BTG4: variants seen among roughly 807,000 people sequenced by gnomAD.
The protein encoded by BTG4 is BTG anti-proliferation factor 4, also known as protein BTG4.
BTG4 carries 10 observed loss-of-function variants against 19.3 expected under a neutral mutation model. The ratio of observed to expected loss-of-function variants is 0.52; its 90% CI spans 0.32 to 0.88. The LOEUF is 0.88. Ranked by LOEUF, BTG4 falls within the 40% of genes least tolerant of loss-of-function variation. The pLI is 0.04. For synonymous variants in BTG4, 91 were observed against 95.7 expected, an observed-to-expected ratio of 0.95 and a Z score of 0.29; for missense variants, 238 against 281.9, an observed-to-expected ratio of 0.84 and a Z score of 1.11.
At chr11:111,431,679 C>T in the BTG4 span, among the ~76,000 whole-genome samples, 1 of 152,318 alleles carries the variant, frequency 6.6e-6, no homozygotes, top group South Asian at 2.1e-4. Context: ...GGACAACCCC[C>T]GGGGCTGGAC....
the BTG4 span, among the ~76,000 whole-genome samples, chr11:111,446,189 T>G: frequency 6.6e-6 from 1 of 152,162 alleles, no homozygotes. Flanking sequence ...ATGTGATTGG[T>G]ATGGAGCGAA....
chr11:111,405,828 C>T, the BTG4 span, among the ~76,000 whole-genome samples: 1 of 152,128 alleles, frequency 6.6e-6, no homozygotes, highest in African/African-American at 2.4e-5. Flanking sequence ...AGTTTTTTCA[C>T]TTGTAAAATA....
the BTG4 span, chr11:111,454,970 T>C: frequency 2.2e-6 from 1 of 456,214 alleles, no homozygotes; most frequent in Non-Finnish European, 4.4e-6. Context: ...CAGCTCAAAC[T>C]CCTCTACCTT....
At chr11:111,464,197 C>G (rs544250670), downstream of BTG4, among the ~76,000 whole-genome samples, 1 of 152,188 alleles carries the variant, frequency 6.6e-6, no homozygotes, top group South Asian at 2.1e-4. Context: ...CAGGGTTTCC[C>G]CATGTTGGCC....
the BTG4 span, among the ~76,000 whole-genome samples, chr11:111,440,746 G>A: frequency 1.5e-4 from 23 of 152,354 alleles, no homozygotes; most frequent in Non-Finnish European, 2.8e-4. Context: ...CCCCAAGACA[G>A]GGGGAATGCC....
At chr11:111,392,388 A>G in the BTG4 span, among the ~76,000 whole-genome samples, 1 of 151,976 alleles carries the variant, frequency 6.6e-6, no homozygotes, top group Admixed American at 6.5e-5. Flanking sequence ...CGTATTAGCC[A>G]GGATGGTCTT....
chr11:111,495,053 C>A lies in BTG4; in HGVS notation c.*82G>T. On this transcript the variant is annotated 3_prime_UTR_variant, in exon 5 of 5. Coordinates refer to ENST00000692032, the MANE Select transcript of BTG4 (RefSeq NM_001367975.1). ...TGGTCATTTTTTGTTTCATGGGCCT[C>A]TCAACCTTAAATTCATTTTTATTTT... is the stretch of plus-strand genomic sequence containing the variant. 1 of 1,390,342 alleles carries A rather than the reference C, an allele frequency of 7.2e-7. No individual in the cohort carries two copies. The highest frequency in any genetic ancestry group is 9.3e-7 in the Non-Finnish European group (1 of 1,074,134). 86.1% of individuals were successfully genotyped at this position (1,390,342 alleles called of 1,614,324 possible). A position where few individuals can be genotyped will look rare whatever the true frequency, so the allele number is the denominator to read the frequency against.
intron 4 of BTG4, among the ~76,000 whole-genome samples, chr11:111,496,312 A>C (rs766011510): frequency 6.6e-6 from 1 of 152,216 alleles, no homozygotes; most frequent in Admixed American, 6.5e-5. Flanking sequence ...AACTTTCTAC[A>C]TGGTGTTTCG....
At chr11:111,433,801 A>G in the BTG4 span, among the ~76,000 whole-genome samples, 1 of 152,256 alleles carries the variant, frequency 6.6e-6, no homozygotes, top group African/African-American at 2.4e-5. Flanking sequence ...ATATGAAAAA[A>G]ATGCTCATCA....
At chr11:111,437,655 C>T in the BTG4 span, among the ~76,000 whole-genome samples, 3 of 152,104 alleles carry the variant, frequency 2.0e-5, no homozygotes, top group African/African-American at 4.8e-5. Flanking sequence ...GCTACAACAG[C>T]GAGTGCCTAG....
At chr11:111,490,187 C>T (rs913059720), downstream of BTG4, among the ~76,000 whole-genome samples, 2 of 151,376 alleles carry the variant, frequency 1.3e-5, no homozygotes, top group African/African-American at 4.9e-5. Context: ...GCAGGAGAAT[C>T]GCTTGATACT....
At chr11:111,445,180 T>C in the BTG4 span, among the ~76,000 whole-genome samples, 2 of 152,202 alleles carry the variant, frequency 1.3e-5, no homozygotes, top group Non-Finnish European at 2.9e-5. Flanking sequence ...CAACCAGTTA[T>C]GTGACCTTGT....
At chr11:111,404,379 T>C in the BTG4 span, among the ~76,000 whole-genome samples, 1 of 152,208 alleles carries the variant, frequency 6.6e-6, no homozygotes, top group Non-Finnish European at 1.5e-5. Flanking sequence ...ACTTACCCAA[T>C]GTCATCCAGC....
chr11:111,436,866 G>C, the BTG4 span, among the ~76,000 whole-genome samples: 1 of 152,106 alleles, frequency 6.6e-6, no homozygotes, highest in African/African-American at 2.4e-5. Context: ...GTTGGCTCGC[G>C]TGTGGGTGTT....
intron 1 of BTG4, among the ~76,000 whole-genome samples, chr11:111,504,328 C>A (rs1866294836): frequency 6.6e-6 from 1 of 151,926 alleles, no homozygotes; most frequent in Non-Finnish European, 1.5e-5. Context: ...TTGCATTTCC[C>A]AAAACATTAT....
the BTG4 span, among the ~76,000 whole-genome samples, chr11:111,444,580 C>T: frequency 6.6e-6 from 1 of 152,142 alleles, no homozygotes; most frequent in Non-Finnish European, 1.5e-5. Context: ...CTTCATTGCA[C>T]ATTTTAAACT....
At chr11:111,416,802 A>ACTGTGTAGG in the BTG4 span, 4 of 152,338 alleles carry the variant, frequency 2.6e-5, no homozygotes, top group African/African-American at 9.6e-5. Context: ...TGAATGAGAT[A>ACTGTGTAGG]CTGTGTAGGC....
At chr11:111,464,235 G>A (rs1178689826), downstream of BTG4, among the ~76,000 whole-genome samples, 4 of 152,202 alleles carry the variant, frequency 2.6e-5, no homozygotes, top group African/African-American at 9.7e-5. Flanking sequence ...CTGACCTCAA[G>A]TGATCAGCCC....
intron 5 of BTG4, among the ~76,000 whole-genome samples, chr11:111,482,652 T>A (rs1386943989): frequency 6.6e-6 from 1 of 152,122 alleles, no homozygotes; most frequent in Non-Finnish European, 1.5e-5. Flanking sequence ...TATACTCAAC[T>A]GAATTTTCAC....
Sources: allele counts gnomAD v4.1 joint callset (sites outside exome capture counted in the v4.1 genomes callset), GRCh38; gene constraint gnomAD v4.1.1; transcripts MANE v1.5; gene names NCBI Gene and HGNC (gene_info 2026-07-23, HGNC 2026-07-21).